ANAPC5: variants seen among roughly 807,000 people sequenced by gnomAD.
ANAPC5 encodes the protein anaphase-promoting complex subunit 5.
A neutral mutation model predicts 91.3 loss-of-function variants in ANAPC5; 60 were observed. The ratio of observed to expected loss-of-function variants is 0.66; its 90% CI spans 0.53 to 0.81. The LOEUF (loss-of-function observed/expected upper bound fraction) is 0.81. ANAPC5 is among the 40% of genes least tolerant of loss of function. ANAPC5 has a pLI of 0.00. For synonymous variants in ANAPC5, 340 were observed against 364.1 expected, an observed-to-expected ratio of 0.93 and a Z score of 0.75; for missense variants, 690 against 931.5, an observed-to-expected ratio of 0.74 and a Z score of 3.37.
At chr12:121,319,664 T>C in intron 13 of ANAPC5, 33 bp downstream of exon 13, 1 of 1,576,788 alleles carries the variant, frequency 6.3e-7, no homozygotes, top group East Asian at 2.3e-5. Context: ...ACAATTATTT[T>C]ATTCTGGGGT....
At chr12:121,315,852 G>A (rs1902336012) in intron 15 of ANAPC5, among the ~76,000 whole-genome samples, 1 of 152,052 alleles carries the variant, frequency 6.6e-6, no homozygotes, top group Non-Finnish European at 1.5e-5. Context: ...ACTGTGAGAA[G>A]AAAACATAGA....
rs71790112 is a variant in ANAPC5, at chr12:121,319,237, C to CT, written c.1637+459dup. 1.7e-3 allele frequency among the ~76,000 whole-genome samples: 242 copies of CT among 141,900 alleles called. 1 individual carries two copies. The highest frequency in any genetic ancestry group is 1.7e-3 in the Non-Finnish European group (113 of 64,716). 93.1% of individuals were successfully genotyped at this position (141,900 alleles called of 152,430 possible). ...TCTTCATTTTGCTTATCTGTATTTT[C>CT]TTTTTTTTTTTTTGGAGATGGAGTC... On this transcript the variant is annotated intron_variant, in intron 13 of 16. Coordinates refer to ENST00000261819, the MANE Select transcript of ANAPC5 (RefSeq NM_016237.5).
At chr12:121,338,807 A>G (rs180844832) in intron 5 of ANAPC5, among the ~76,000 whole-genome samples, 1 of 152,192 alleles carries the variant, frequency 6.6e-6, no homozygotes, top group East Asian at 1.9e-4. Context: ...ATTTTGTTAA[A>G]AATATGTGTA....
At chr12:121,333,616 G>A (rs1903123219) in intron 7 of ANAPC5, 1 of 152,172 alleles carries the variant, frequency 6.6e-6, no homozygotes, top group African/African-American at 2.4e-5. Context: ...TCAATCTGAT[G>A]TTTGAATACC....
chr12:121,352,019 T>C lies in ANAPC5; in HGVS notation c.207+115A>G. 5.2e-6 allele frequency: 5 copies of C among 959,744 alleles called. No homozygotes were observed. In the South Asian group the frequency reaches 7.3e-5, roughly 14 times the overall value. The allele number at this position is 959,744 out of a possible 1,614,324, so 59.5% of individuals were successfully genotyped here. On this transcript the variant is annotated intron_variant, in intron 1 of 16. Transcript: ENST00000261819. ...AGCTATCTTTATTTCTTCACGTTCC[T>C]CCAGGCAGGGAGAGTATCTGATGGA...
At chr12:121,331,608 A>G (rs1903045697) in intron 7 of ANAPC5, 180 bp from the exon 8 acceptor site, 1 of 456,562 alleles carries the variant, frequency 2.2e-6, no homozygotes, top group African/African-American at 1.9e-5. Context: ...AAACACTGAC[A>G]GTGGAAATAT....
At chr12:121,350,399 G>A (rs1168351996) in intron 1 of ANAPC5, among the ~76,000 whole-genome samples, 3 of 152,056 alleles carry the variant, frequency 2.0e-5, no homozygotes, top group South Asian at 2.1e-4. Flanking sequence ...AGAAATCCTC[G>A]GGCCGGGCGC....
chr12:121,309,647 C>G (rs1213507437), intron 16 of ANAPC5, 54 bp downstream of exon 16: 2 of 1,543,904 alleles, frequency 1.3e-6, no homozygotes, highest in Non-Finnish European at 1.7e-6. Flanking sequence ...GGGTCCTAAA[C>G]TTTCAATGCT....
upstream of ANAPC5, chr12:121,352,471 G>T: frequency 1.3e-6 from 1 of 751,174 alleles, no homozygotes; most frequent in Non-Finnish European, 2.1e-6. Context: ...GCGTGCTCGC[G>T]GCATTTGTTA....
chr12:121,353,527 A>C (rs1214744602), upstream of ANAPC5, among the ~76,000 whole-genome samples: 3 of 151,036 alleles, frequency 2.0e-5, no homozygotes, highest in Non-Finnish European at 4.4e-5. Context: ...TGCAAGCTCT[A>C]CCTCCCTGGT....
intron 5 of ANAPC5, 33 bp downstream of exon 5, chr12:121,341,970 A>G (rs1903475559): frequency 1.9e-6 from 3 of 1,543,358 alleles, no homozygotes; most frequent in Middle Eastern, 1.7e-4. Flanking sequence ...GGACTAGAAC[A>G]GAAGTTCATG....
At chr12:121,352,718 T>TTGTTGTTGTTGTTGTTGGTGGTGG (rs71079056), upstream of ANAPC5, among the ~76,000 whole-genome samples, 47 of 102,438 alleles carry the variant, frequency 4.6e-4, no homozygotes, top group African/African-American at 1.3e-3. Flanking sequence ...GTTGTTGTTG[T>TTGTTGTTGTTGTTGTTGGTGGTGG]TGGTGGTGGT....
At position 121,331,419 on chromosome 12, in the gene ANAPC5, T is replaced by C; in HGVS notation, c.960A>G (p.Ala320=). 1.2e-6 allele frequency: 2 copies of C among 1,608,782 alleles called. No homozygotes were observed. Among genetic ancestry groups the C allele is most frequent in the East Asian group, 4.5e-5 (2 of 44,686 alleles). ...TAATTGCCTCCTGCAGGGCGAGCTC[T>C]GCCTGTTGACTAATGACAGACTAAA... ...LHCRFGHYQQ[A]ELALQEAIRI... The change falls in exon 8 of 17, where the codon GCA becomes GCG. Residue 320 remains alanine, a synonymous_variant. Coordinates refer to ENST00000261819, the MANE Select transcript of ANAPC5 (RefSeq NM_016237.5).
At chr12:121,337,180 T>G in intron 6 of ANAPC5, 111 bp downstream of exon 6, 2 of 812,146 alleles carry the variant, frequency 2.5e-6, no homozygotes, top group Non-Finnish European at 4.0e-6. Flanking sequence ...GTCGTGCCAC[T>G]GCACTCCAGC....
At chr12:121,324,143 A>G (rs1217102396) in intron 11 of ANAPC5, among the ~76,000 whole-genome samples, 1 of 152,176 alleles carries the variant, frequency 6.6e-6, no homozygotes, top group East Asian at 1.9e-4. Flanking sequence ...AAGTTTCAGA[A>G]GCAGATACAA....
At chr12:121,312,706 CAAAAAAAAAA>C (rs34791908) in intron 15 of ANAPC5, among the ~76,000 whole-genome samples, 1 of 51,836 alleles carries the variant, frequency 1.9e-5, no homozygotes, top group Admixed American at 2.2e-4. Context: ...GACTCTGTCA[CAAAAAAAAAA>C]AAAAAAAAAA....
intron 13 of ANAPC5, 77 bp downstream of exon 13, chr12:121,319,620 T>G: frequency 7.1e-7 from 1 of 1,415,980 alleles, no homozygotes; most frequent in Non-Finnish European, 9.5e-7. Flanking sequence ...TAAAATAAAT[T>G]AATGCACATA....
chr12:121,350,261 T>C (rs1192423843), intron 1 of ANAPC5, among the ~76,000 whole-genome samples: 2 of 152,180 alleles, frequency 1.3e-5, no homozygotes, highest in African/African-American at 4.8e-5. Context: ...CTCTAGACAC[T>C]AATTTTATTA....
At chr12:121,337,576 A>G (rs1175967511) in intron 5 of ANAPC5, among the ~76,000 whole-genome samples, 184 bp from the exon 6 acceptor site, 9 of 152,034 alleles carry the variant, frequency 5.9e-5, no homozygotes, top group African/African-American at 2.2e-4. Flanking sequence ...GGACCCTGCC[A>G]CATGCTCTCC....
Sources: gnomAD v4.1 joint callset for allele counts (sites outside exome capture counted in the v4.1 genomes callset) on GRCh38, gnomAD v4.1.1 for gene constraint, MANE v1.5 for transcripts, NCBI Gene and HGNC (gene_info 2026-07-23, HGNC 2026-07-21) for gene names.